Variants in MAST3 observed in about 807,000 individuals in gnomAD.
The protein encoded by MAST3 is microtubule associated serine/threonine kinase 3.
MAST3 carries 43 observed loss-of-function variants against 127.0 expected under a neutral mutation model. The ratio of observed to expected loss-of-function variants is 0.34; its 90% CI spans 0.27 to 0.44. MAST3 has a LOEUF of 0.44. Among genes scored for constraint, MAST3 ranks in the 20% least tolerant of loss-of-function variants. MAST3 has a pLI of 1.00. For synonymous variants in MAST3, 785 were observed against 809.2 expected, an observed-to-expected ratio of 0.97 and a Z score of 0.51; for missense variants, 1,390 against 1,919.1, an observed-to-expected ratio of 0.72 and a Z score of 5.15.
At chr19:18,137,204 G>A (rs2041974841) in intron 18 of MAST3, 35 bp from the exon 19 acceptor site, 2 of 1,583,034 alleles carry the variant, frequency 1.3e-6, no homozygotes, top group Non-Finnish European at 1.7e-6. Flanking sequence ...CGGGTGAGGT[G>A]AGGACCTGCA....
chr19:18,149,322 G>A lies in MAST3; in HGVS notation c.3640G>A (p.Gly1214Ser), dbSNP rs1412354921. 4 of 1,526,832 alleles carry A rather than the reference G, an allele frequency of 2.6e-6. No homozygotes were observed. The highest frequency in any genetic ancestry group is 2.0e-5 in the Admixed American group (1 of 48,904). The allele number at this position is 1,526,832 out of a possible 1,614,324, so 94.6% of individuals were successfully genotyped here. A position where few individuals can be genotyped will look rare whatever the true frequency, so the allele number is the denominator to read the frequency against. ...GCTTGGGCCACCCCGCCCCAAGACT[G>A]GCCGCCGCAAGTCCACCAGCAGCAT... ...AKLGPPRPKTGRRKSTSSIPP... is the reference protein window; with the variant it reads ...AKLGPPRPKTSRRKSTSSIPP... Residue 1214 changes from glycine to serine, a missense_variant, in exon 28 of 28, where the codon GGC (glycine) becomes AGC (serine). Transcript: ENST00000687212. The surrounding 1 kb of genome is among the most constrained non-coding windows in gnomAD (Gnocchi z 5.9).
intron 1 of MAST3, among the ~76,000 whole-genome samples, chr19:18,103,409 C>T (rs536884128): frequency 7.2e-5 from 11 of 152,136 alleles, no homozygotes; most frequent in South Asian, 4.2e-4. Context: ...TGGTGGTGGG[C>T]GCCTGTAATC....
chr19:18,133,247 C>T (rs2041515467), intron 15 of MAST3, among the ~76,000 whole-genome samples: 1 of 152,180 alleles, frequency 6.6e-6, no homozygotes, highest in Non-Finnish European at 1.5e-5. Flanking sequence ...ACTCCTTACA[C>T]ACTAACGTTG....
rs1160376960 is a variant in MAST3, at chr19:18,145,653, T to TGCTGGGGTCCCACAGCAGACCCAGCCTGG, written c.3040-78_3040-50dup. On this transcript the variant is annotated intron_variant, in intron 24 of 27. Coordinates refer to ENST00000687212, the MANE Select transcript of MAST3 (RefSeq NM_001393504.1). This position sits in a 1 kb window ranked among gnomAD's most constrained non-coding sequence, Gnocchi z 5.9. ...TGAGACAGCACAAGAGGCAGCAGCTTGCTGGGGTCCCACAGCAGACCCAGC... is the reference window on the plus strand; with the variant it reads ...TGAGACAGCACAAGAGGCAGCAGCTTGCTGGGGTCCCACAGCAGACCCAGCCTGGGCTGGGGTCCCACAGCAGACCCAGC... 7 of 1,411,848 alleles carry TGCTGGGGTCCCACAGCAGACCCAGCCTGG rather than the reference T, an allele frequency of 5.0e-6. No individual in the cohort carries two copies. The highest frequency in any genetic ancestry group is 6.6e-6 in the Non-Finnish European group (7 of 1,067,854). 87.5% of individuals were successfully genotyped at this position (1,411,848 alleles called of 1,614,324 possible).
intron 15 of MAST3, among the ~76,000 whole-genome samples, chr19:18,132,261 CACTT>C (rs2041390898): frequency 6.6e-6 from 1 of 152,168 alleles, no homozygotes; most frequent in African/African-American, 2.4e-5. Context: ...GGAGAGCAGA[CACTT>C]AATAGGCGTC....
intron 3 of MAST3, among the ~76,000 whole-genome samples, chr19:18,114,714 G>T (rs1327251067): frequency 2.0e-5 from 3 of 152,172 alleles, no homozygotes; most frequent in African/African-American, 7.2e-5. Context: ...AGCATTGGGG[G>T]TTGGGGGTGT....
intron 3 of MAST3, among the ~76,000 whole-genome samples, chr19:18,116,676 A>C (rs1042581934): frequency 6.7e-5 from 9 of 134,026 alleles, no homozygotes; most frequent in Non-Finnish European, 1.1e-4. Flanking sequence ...TTGGGAGGCC[A>C]AGGCGGGAGG....
At chr19:18,129,939 G>A (rs973453760) in intron 13 of MAST3, among the ~76,000 whole-genome samples, 6 of 24,898 alleles carry the variant, frequency 2.4e-4, no homozygotes, top group Non-Finnish European at 5.9e-4. Context: ...AAAAAAAAAG[G>A]AAAGAAAGAA....
intron 3 of MAST3, among the ~76,000 whole-genome samples, chr19:18,118,917 C>T (rs1488396564): frequency 6.6e-6 from 1 of 152,076 alleles, no homozygotes; most frequent in East Asian, 1.9e-4. Context: ...ACCGAAAGAC[C>T]TTGAATGCTG....
At position 18,146,883 on chromosome 19, in the gene MAST3, C is replaced by T. The variant is rs555635420; in HGVS notation, c.3165C>T (p.Ser1055=). The part of the protein sequence containing the change: ...HMDVVELLLK[S]GNKISLRTTA... ...ACCCCTCACCATCCCTCCCGCAGAG[C>T]GGCAACAAGATATCCCTGCGGACCA... The change falls in exon 26 of 28, where the codon AGC becomes AGT. Residue 1055 remains serine (S), a splice_region_variant and synonymous_variant. Transcript: ENST00000687212. 194 of 1,550,954 alleles carry T rather than the reference C, an allele frequency of 1.3e-4. No individual in the cohort carries two copies. Among genetic ancestry groups the T allele is most frequent in the Non-Finnish European group, 1.6e-4 (185 of 1,146,432 alleles).
rs1410778694 is a variant in MAST3, at chr19:18,151,133, G to A, written c.*1407G>A. 6.6e-6 allele frequency: 1 copy of A among 152,238 alleles called. No individual in the cohort carries two copies. Among genetic ancestry groups the A allele is most frequent in the Non-Finnish European group, 1.5e-5 (1 of 68,032 alleles). The allele number at this position is 152,238 out of a possible 1,614,324, so 9.4% of individuals were successfully genotyped here. On this transcript the variant is annotated 3_prime_UTR_variant, in exon 28 of 28. Coordinates refer to ENST00000687212, the MANE Select transcript of MAST3 (RefSeq NM_001393504.1). ...GCCAGAAAACCCAGTCGAGGCTCAA[G>A]TTTGAATTTCAGCTTCACTGTGTGG...
In MAST3 at chr19:18,145,495, C is replaced by T. The variant is rs2042932594; in HGVS notation, c.3040-248C>T. 6.6e-6 allele frequency among the ~76,000 whole-genome samples: 1 copy of T among 152,234 alleles called. No individual in the cohort carries two copies. Among genetic ancestry groups the T allele is most frequent in the Non-Finnish European group, 1.5e-5 (1 of 68,040 alleles). On this transcript the variant is annotated intron_variant, in intron 24 of 27. Transcript: ENST00000687212. The surrounding 1 kb of genome is among the most constrained non-coding windows in gnomAD (Gnocchi z 5.9). ...ACTGGGCATGTTATCCTCCCTCTCC[C>T]AGCCCAAGGGCGTCGAGGCATGCCC...
At chr19:18,100,128 C>CTCTCTCTCTTTTTTTTTTTTTTTTTTTTT (rs776661078) in intron 1 of MAST3, among the ~76,000 whole-genome samples, 2 of 121,720 alleles carry the variant, frequency 1.6e-5, no homozygotes, top group African/African-American at 5.6e-5. Flanking sequence ...CTCTCTCTCT[C>CTCTCTCTCTTTTTTTTTTTTTTTTTTTTT]TTTTTTTTTT....
In MAST3 at chr19:18,113,555, G is replaced by A. The variant is rs1044933315; in HGVS notation, c.161+2814G>A. On this transcript the variant is annotated intron_variant, in intron 3 of 27. Transcript: ENST00000687212. ...GGCTCACTGCAACCTCCGCCTCCTG[G>A]ATTCAAATGATTTTCCTGCCTCAGC... Among the ~76,000 whole-genome samples, 5 of 152,274 alleles carry A rather than the reference G, an allele frequency of 3.3e-5. No homozygotes were observed. In the South Asian group the frequency reaches 8.3e-4, roughly 25 times the overall value.
intron 3 of MAST3, among the ~76,000 whole-genome samples, chr19:18,111,057 G>A (rs1320431663): frequency 1.3e-5 from 2 of 152,122 alleles, no homozygotes; most frequent in Non-Finnish European, 2.9e-5. Context: ...AATTGGCCTG[G>A]ACTCCTGGGT....
intron 13 of MAST3, chr19:18,129,226 A>G (rs769746741): frequency 1.0e-5 from 5 of 492,590 alleles, no homozygotes; most frequent in African/African-American, 2.0e-5. Flanking sequence ...ATAGATGCCC[A>G]CCCAGTGGGA....
At chr19:18,126,505 C>T (rs2040637228) in intron 11 of MAST3, among the ~76,000 whole-genome samples, 3 of 152,182 alleles carry the variant, frequency 2.0e-5, no homozygotes, top group African/African-American at 4.8e-5. Context: ...GGCATGGTAG[C>T]TCACACTTGT....
chr19:18,135,775 C>T lies in MAST3; in HGVS notation c.1906C>T (p.Pro636Ser), dbSNP rs370253931. ...GTGGCCAGAGGGAGATGAGGCCCTT[C>T]CAGCAGACGCCCAGGACCTCATCAC... Reference protein sequence around the residue: ...IMWPEGDEALPADAQDLITRL... With the variant: ...IMWPEGDEALSADAQDLITRL... The change falls in exon 18 of 28, where the codon CCA becomes TCA. Residue 636 changes from proline to serine, a missense_variant. Transcript: ENST00000687212. 1.7e-5 allele frequency: 28 copies of T among 1,612,176 alleles called. No individual in the cohort carries two copies. The highest frequency in any genetic ancestry group is 2.2e-5 in the Non-Finnish European group (26 of 1,179,192).
intron 1 of MAST3, among the ~76,000 whole-genome samples, chr19:18,101,715 A>T (rs2037638258): frequency 6.8e-6 from 1 of 147,548 alleles, no homozygotes; most frequent in Admixed American, 6.8e-5. Flanking sequence ...CAGTGGCGCC[A>T]TCTTGGCTCA....
Sources: gnomAD v4.1 joint callset for allele counts (sites outside exome capture counted in the v4.1 genomes callset) on GRCh38, gnomAD v4.1.1 for gene constraint, Gnocchi (gnomAD v3.1) non-coding constraint, MANE v1.5 for transcripts, NCBI Gene and HGNC (gene_info 2026-07-23, HGNC 2026-07-21) for gene names.